Variants in ST14 observed in about 807,000 individuals in gnomAD.
ST14 encodes the protein suppressor of tumorigenicity 14 protein.
In ST14, 40 loss-of-function variants were observed where a neutral mutation model predicts 96.5. The ratio of observed to expected loss-of-function variants is 0.41; its 90% CI spans 0.32 to 0.54. ST14 has a LOEUF of 0.54. ST14 is among the 20% of genes least tolerant of loss of function. The pLI is 0.17. For missense variants in ST14, 1,066 were observed against 1,188.9 expected (o/e 0.90, Z 1.52); for synonymous variants, 506 against 492.1 (o/e 1.03, Z -0.37).
intron 1 of ST14, among the ~76,000 whole-genome samples, chr11:130,161,931 G>A (rs1339895504): frequency 1.3e-5 from 2 of 152,176 alleles, no homozygotes; most frequent in African/African-American, 2.4e-5. Context: ...GAGGAAATTG[G>A]CCAAAGCTCA....
rs905731058 is a variant in ST14, at chr11:130,178,194, G to A, written c.82-9920G>A. 2.0e-5 allele frequency among the ~76,000 whole-genome samples: 3 copies of A among 152,208 alleles called. No individual in the cohort carries two copies. In the South Asian group the frequency reaches 6.2e-4, roughly 32 times the overall value. Reference sequence around the variant, plus strand: ...CAAGAGAAAGGGGATAGGAAAAAGGGTTTAACAAACCAGTCCAGGAAGAGC... The same window carrying A: ...CAAGAGAAAGGGGATAGGAAAAAGGATTTAACAAACCAGTCCAGGAAGAGC... On this transcript the variant is annotated intron_variant, in intron 1 of 18. Transcript: ENST00000278742.
At chr11:130,193,807 T>C (rs1354242559) in intron 7 of ST14, among the ~76,000 whole-genome samples, 1 of 152,288 alleles carries the variant, frequency 6.6e-6, no homozygotes, top group African/African-American at 2.4e-5. Context: ...GTGAACTGTT[T>C]ATCACTAGCG....
Position 130,188,958 on chromosome 11 carries a change from C to T in ST14, c.440+19C>T. The T allele has an allele frequency of 6.2e-7, 1 of 1,603,164 alleles. No individual in the cohort carries two copies. The highest frequency in any genetic ancestry group is 8.5e-7 in the Non-Finnish European group (1 of 1,175,410). The stretch of plus-strand genomic sequence containing the variant: ...CCTTCAGGTGGGTGTGGAGAGAAGG[C>T]TCAGTGGGATGCACCCCAGACTGGC... On this transcript the variant is annotated intron_variant, in intron 4 of 18. Transcript: ENST00000278742. This position sits in a 1 kb window ranked among gnomAD's most constrained non-coding sequence, Gnocchi z 5.4.
At position 130,197,997 on chromosome 11, in the gene ST14, C is replaced by T. The variant is rs858715; in HGVS notation, c.1459+52C>T. ...CCCCACCCTCCTTCCCCACCCTGCC[C>T]GCGTCCCATGGCCCTGCTGGCTGAC... On this transcript the variant is annotated intron_variant, in intron 12 of 18. Transcript: ENST00000278742. The T allele has an allele frequency of 0.41, 618,761 of 1,509,140 alleles. 130,040 individuals carry two copies. Among genetic ancestry groups the T allele is most frequent in the Non-Finnish European group, 0.43 (486,019 of 1,117,736 alleles). The allele number at this position is 1,509,140 out of a possible 1,614,324, so 93.5% of individuals were successfully genotyped here. A position where few individuals can be genotyped will look rare whatever the true frequency, so the allele number is the denominator to read the frequency against.
intron 16 of ST14, among the ~76,000 whole-genome samples, chr11:130,202,637 A>G (rs750187122): frequency 2.1e-4 from 32 of 152,144 alleles, no homozygotes; most frequent in Non-Finnish European, 3.7e-4. Flanking sequence ...GTGCAGGGGC[A>G]TGGTGTCAAG....
intron 1 of ST14, among the ~76,000 whole-genome samples, chr11:130,183,529 A>G (rs1953213017): frequency 6.7e-6 from 1 of 149,582 alleles, no homozygotes; most frequent in African/African-American, 2.6e-5. Flanking sequence ...CAACATAGCA[A>G]GACCCTGTAT....
chr11:130,198,670 G>A (rs776752083), intron 14 of ST14, 49 bp downstream of exon 14: 2 of 1,553,214 alleles, frequency 1.3e-6, no homozygotes, highest in Non-Finnish European at 1.8e-6. Context: ...GCCCCTGGAG[G>A]AGGCTGCCCT....
In ST14 at chr11:130,190,509, G is replaced by A. The variant is rs1165417159; in HGVS notation, c.690G>A (p.Thr230=). ...GTGTGGAGCTGATGCGCTTCACCAC[G>A]CCCGGCTTCCCTGACAGCCCCTACC... ...ARGVELMRFT[T]PGFPDSPYPA... The change falls in exon 7 of 19, where the codon ACG becomes ACA. Residue 230 remains threonine (T), a synonymous_variant. Transcript: ENST00000278742. 21 of 1,609,326 alleles carry A rather than the reference G, an allele frequency of 1.3e-5. No homozygotes were observed. The East Asian group carries it at 2.5e-4, about 19-fold the overall frequency.
chr11:130,162,091 G>A (rs1313151602), intron 1 of ST14, among the ~76,000 whole-genome samples: 2 of 152,222 alleles, frequency 1.3e-5, no homozygotes, highest in African/African-American at 4.8e-5. Context: ...TGGGTCAGCA[G>A]AGCCTGGCCC....
Position 130,188,830 on chromosome 11 carries a change from G to T in ST14, c.370-39G>T. On this transcript the variant is annotated intron_variant, in intron 3 of 18. Coordinates refer to ENST00000278742, the MANE Select transcript of ST14 (RefSeq NM_021978.4). This position sits in a 1 kb window ranked among gnomAD's most constrained non-coding sequence, Gnocchi z 5.4. ...AGCCCGGGCTTGGGGCAGGGTCATC[G>T]CCGCATGGGGCTCACCTTGAGTCTC... The T allele has an allele frequency of 6.2e-7, 1 of 1,607,582 alleles. No homozygotes were observed. Among genetic ancestry groups the T allele is most frequent in the Admixed American group, 1.7e-5 (1 of 58,700 alleles).
chr11:130,209,531 C>A lies in ST14; in HGVS notation c.2359C>A (p.Arg787Ser), dbSNP rs895362241. 6.3e-7 allele frequency: 1 copy of A among 1,578,810 alleles called. No homozygotes were observed. Among genetic ancestry groups the A allele is most frequent in the Non-Finnish European group, 8.6e-7 (1 of 1,162,140 alleles). Reference protein sequence around the residue: ...ENLLPQQITPRMMCVGFLSGG... With the variant: ...ENLLPQQITPSMMCVGFLSGG... The stretch of plus-strand genomic sequence containing the variant: ...CCTCCTGCCGCAGCAGATCACGCCG[C>A]GCATGATGTGCGTGGGCTTCCTCAG... Residue 787 changes from arginine to serine, a missense_variant, in exon 18 of 19, where the codon CGC becomes AGC. Physicochemically the swap from Arg to Ser is moderately radical, Grantham distance 110. Coordinates refer to ENST00000278742, the MANE Select transcript of ST14 (RefSeq NM_021978.4).
chr11:130,162,822 C>G lies in ST14; in HGVS notation c.81+2762C>G, dbSNP rs138960086. ...GCACATGGCATCTCTCTAACCCAGG[C>G]TGGAAGGGCCAGGTCAGCAAATTAG... On this transcript the variant is annotated intron_variant, in intron 1 of 18. Transcript: ENST00000278742. Among the ~76,000 whole-genome samples, 430 of 152,254 alleles carry G rather than the reference C, an allele frequency of 2.8e-3. 1 individual carries two copies. The highest frequency in any genetic ancestry group is 7.5e-3 in the Admixed American group (114 of 15,302).
At position 130,198,384 on chromosome 11, in the gene ST14, C is replaced by T. The variant is rs138312612; in HGVS notation, c.1536C>T (p.Asn512=). 3.1e-5 allele frequency: 50 copies of T among 1,614,032 alleles called. 1 individual carries two copies. The highest frequency in any genetic ancestry group is 2.2e-4 in the South Asian group (20 of 91,090). ...TCTTCTGGGTCTGCGACAGTGTGAA[C>T]GACTGCGGAGACAACAGCGACGAGC... ...KPLFWVCDSV[N]DCGDNSDEQG... is the part of the protein sequence containing the mutation. Residue 512 remains asparagine, a synonymous_variant, in exon 13 of 19, where the codon AAC becomes AAT. Coordinates refer to ENST00000278742, the MANE Select transcript of ST14 (RefSeq NM_021978.4).
chr11:130,161,175 C>G (rs969647459), intron 1 of ST14, among the ~76,000 whole-genome samples: 1 of 152,172 alleles, frequency 6.6e-6, no homozygotes, highest in African/African-American at 2.4e-5. Flanking sequence ...GCACCACAGA[C>G]AGGACCTGGG....
chr11:130,198,206 A>G (rs1283787118), intron 12 of ST14, 102 bp from the exon 13 acceptor site: 1 of 1,165,878 alleles, frequency 8.6e-7, no homozygotes, highest in African/African-American at 1.5e-5. Flanking sequence ...GCCTCTCTGT[A>G]GATCAGAAAG....
In ST14 at chr11:130,186,680, G is replaced by C. The variant is rs552251788; in HGVS notation, c.82-1434G>C. Among the ~76,000 whole-genome samples, 125 of 152,294 alleles carry C rather than the reference G, an allele frequency of 8.2e-4. 1 individual carries two copies. Among genetic ancestry groups the C allele is most frequent in the Admixed American group, 3.7e-3 (57 of 15,294 alleles). ...CACAGGCTAATAATGAAAACCTAGA[G>C]TATGGATATAATTTTTTTTAAACTC... is the stretch of plus-strand genomic sequence containing the variant. On this transcript the variant is annotated intron_variant, in intron 1 of 18. Coordinates refer to ENST00000278742, the MANE Select transcript of ST14 (RefSeq NM_021978.4).
At chr11:130,206,558 TTTTCTTTTC>T (rs1953491446) in intron 16 of ST14, among the ~76,000 whole-genome samples, 1 of 109,052 alleles carries the variant, frequency 9.2e-6, no homozygotes, top group South Asian at 3.6e-4. Context: ...TCTCTTTCTC[TTTTCTTTTC>T]TTTTTTTTTT....
intron 8 of ST14, 149 bp downstream of exon 8, chr11:130,194,437 C>A: frequency 7.5e-7 from 1 of 1,337,650 alleles, no homozygotes; most frequent in Non-Finnish European, 1.0e-6. Flanking sequence ...GAAGCTTGAG[C>A]CAAAGGCATC....
chr11:130,190,358 G>A lies in ST14; in HGVS notation c.635-96G>A, dbSNP rs561679856. 427 of 1,578,492 alleles carry A rather than the reference G, an allele frequency of 2.7e-4. 1 individual carries two copies. The African/African-American group carries it at 5.1e-3, about 19-fold the overall frequency. On this transcript the variant is annotated intron_variant, in intron 6 of 18. Transcript: ENST00000278742. ...GCAGCCTGGGGCGTCTCGAAGGGGC[G>A]AGGCCTGAGGTCCACACCCACGGGG...
Sources: allele counts gnomAD v4.1 joint callset (sites outside exome capture counted in the v4.1 genomes callset), GRCh38; gene constraint gnomAD v4.1.1; non-coding constraint Gnocchi (gnomAD v3.1); transcripts MANE v1.5; gene names NCBI Gene and HGNC (gene_info 2026-07-23, HGNC 2026-07-21).